The following CEP112 variants were observed in gnomAD, a reference collection of about 807,000 sequenced individuals.
The protein encoded by CEP112 is centrosomal protein of 112 kDa.
A neutral mutation model predicts 153.0 loss-of-function variants in CEP112; 127 were observed. The observed-to-expected ratio is 0.83, with a 90% CI of 0.72 to 0.96. The LOEUF (loss-of-function observed/expected upper bound fraction) is 0.96, where lower values mean the gene tolerates loss of function less well. CEP112 is among the 40% of genes least tolerant of loss of function. The pLI is 0.00. For missense variants in CEP112, 1,089 were observed against 1,101.2 expected (o/e 0.99, Z 0.16); for synonymous variants, 358 against 374.4 (o/e 0.96, Z 0.51).
At chr17:65,920,495 A>AGAGTAGT (rs1333033524) in intron 19 of CEP112, among the ~76,000 whole-genome samples, 1 of 147,072 alleles carries the variant, frequency 6.8e-6, no homozygotes, top group African/African-American at 2.5e-5. Flanking sequence ...TAAAGCAAGC[A>AGAGTAGT]GAGTAGTGCC....
chr17:66,013,838 G>T (rs991750239), intron 16 of CEP112, among the ~76,000 whole-genome samples: 3 of 152,160 alleles, frequency 2.0e-5, no homozygotes, highest in African/African-American at 7.2e-5. Context: ...GAGGGGAGGG[G>T]TCACTGGCAT....
intron 23 of CEP112, among the ~76,000 whole-genome samples, chr17:65,740,781 G>A (rs1209174607): frequency 6.6e-6 from 1 of 152,162 alleles, no homozygotes; most frequent in Non-Finnish European, 1.5e-5. Flanking sequence ...TAGTGGCTGT[G>A]CCTCTCTCTG....
rs559478422 is a variant in CEP112, at chr17:65,729,899, C to T, written c.2607+13169G>A. On this transcript the variant is annotated intron_variant, in intron 23 of 26. Transcript: ENST00000535342. Reference sequence around the variant, plus strand: ...CTGCACTCCAGCCTGGGCCACATAGCGAGATCCTGTCTCAAACAAACAAAC... The same window carrying T: ...CTGCACTCCAGCCTGGGCCACATAGTGAGATCCTGTCTCAAACAAACAAAC... Among the ~76,000 whole-genome samples the T allele has an allele frequency of 8.1e-4, 120 of 148,468 alleles. 4 individuals carry two copies. In the South Asian group the frequency reaches 0.025, roughly 31 times the overall value.
chr17:65,643,464 A>AT (rs35436538), intron 24 of CEP112, among the ~76,000 whole-genome samples: 2,962 of 146,752 alleles, frequency 0.02, 99 homozygotes, highest in African/African-American at 0.069. Context: ...CACCTGGCTA[A>AT]TTTTTTTTTT....
intron 17 of CEP112, among the ~76,000 whole-genome samples, chr17:65,983,402 T>C (rs2063297056): frequency 6.6e-6 from 1 of 152,188 alleles, no homozygotes. Flanking sequence ...TTTTATATAG[T>C]TGGGATATGT....
chr17:65,988,306 A>C (rs993219776), intron 17 of CEP112, among the ~76,000 whole-genome samples: 1 of 152,238 alleles, frequency 6.6e-6, no homozygotes, highest in Admixed American at 6.5e-5. Context: ...CCAATAAAAA[A>C]CAAAACAAGT....
chr17:66,122,268 A>G (rs2069636016), intron 6 of CEP112, among the ~76,000 whole-genome samples: 1 of 151,842 alleles, frequency 6.6e-6, no homozygotes, highest in African/African-American at 2.4e-5. Context: ...GCTATTTTGA[A>G]GTCTTTGTTT....
intron 21 of CEP112, among the ~76,000 whole-genome samples, chr17:65,816,234 T>C (rs1382019921): frequency 1.3e-5 from 2 of 152,102 alleles, no homozygotes; most frequent in Non-Finnish European, 2.9e-5. Flanking sequence ...AGTTTTGGTA[T>C]ACTCACAAAG....
At chr17:65,916,285 G>GTGTGTGTGTA (rs1568222913) in intron 19 of CEP112, among the ~76,000 whole-genome samples, 2 of 148,304 alleles carry the variant, frequency 1.3e-5, no homozygotes, top group East Asian at 2.0e-4. Flanking sequence ...GTGTGTGTGT[G>GTGTGTGTGTA]TGTGTGTATG....
chr17:65,883,818 C>G (rs956824810), intron 20 of CEP112, among the ~76,000 whole-genome samples: 1 of 152,018 alleles, frequency 6.6e-6, no homozygotes, highest in Admixed American at 6.6e-5. Flanking sequence ...TACATAGAGG[C>G]CTGGACTAGA....
intron 19 of CEP112, among the ~76,000 whole-genome samples, chr17:65,920,622 C>A (rs1171482649): frequency 6.6e-5 from 10 of 151,132 alleles, no homozygotes; most frequent in Non-Finnish European, 1.3e-4. Flanking sequence ...ATGCAATCCT[C>A]CCTTTAAATA....
chr17:65,942,320 T>C (rs1296368970), intron 18 of CEP112, among the ~76,000 whole-genome samples: 1 of 152,284 alleles, frequency 6.6e-6, no homozygotes, highest in East Asian at 1.9e-4. Flanking sequence ...TTCAGGTCCA[T>C]GGAAAAGCTG....
intron 6 of CEP112, among the ~76,000 whole-genome samples, chr17:66,102,613 T>C (rs890697829): frequency 1.1e-4 from 17 of 150,862 alleles, no homozygotes; most frequent in South Asian, 4.2e-4. Flanking sequence ...CTGGCTAACA[T>C]GGTGAAACCC....
chr17:65,811,288 T>C (rs575479510), intron 21 of CEP112, among the ~76,000 whole-genome samples: 28 of 152,068 alleles, frequency 1.8e-4, no homozygotes, highest in Non-Finnish European at 4.0e-4. Flanking sequence ...TGATGGACCA[T>C]GAAATCTAAG....
At chr17:66,155,216 G>C (rs888501779) in intron 4 of CEP112, among the ~76,000 whole-genome samples, 12 of 152,180 alleles carry the variant, frequency 7.9e-5, no homozygotes, top group Admixed American at 7.2e-4. Context: ...GGACTGGTTA[G>C]ACAGTGGGTG....
intron 4 of CEP112, among the ~76,000 whole-genome samples, chr17:66,140,113 A>T (rs1238853947): frequency 6.6e-6 from 1 of 152,242 alleles, no homozygotes; most frequent in Non-Finnish European, 1.5e-5. Context: ...AGATGCCAGG[A>T]TGGTACAATA....
intron 6 of CEP112, among the ~76,000 whole-genome samples, chr17:66,127,020 T>C (rs1769973257): frequency 6.6e-6 from 1 of 152,196 alleles, no homozygotes; most frequent in South Asian, 2.1e-4. Flanking sequence ...TAAAGAGATA[T>C]TGCTCAGCCT....
intron 16 of CEP112, among the ~76,000 whole-genome samples, chr17:66,007,687 T>C (rs1280121801): frequency 1.3e-5 from 2 of 152,022 alleles, no homozygotes; most frequent in East Asian, 1.9e-4. Context: ...CACCCACCAA[T>C]TTAGGAAAAA....
chr17:65,960,852 T>C (rs2144758328), intron 18 of CEP112, among the ~76,000 whole-genome samples: 1 of 152,334 alleles, frequency 6.6e-6, no homozygotes, highest in South Asian at 2.1e-4. Context: ...GAAAGAATAA[T>C]GTGATTAGAC....
Sources: allele counts gnomAD v4.1 joint callset (sites outside exome capture counted in the v4.1 genomes callset), GRCh38; gene constraint gnomAD v4.1.1; transcripts MANE v1.5; gene names NCBI Gene and HGNC (gene_info 2026-07-23, HGNC 2026-07-21).